The following CRYL1 variants were observed in gnomAD, a reference collection of about 807,000 sequenced individuals.
CRYL1 encodes lambda-crystallin homolog.
A neutral mutation model predicts 36.6 loss-of-function variants in CRYL1; 29 were observed. That is an observed-to-expected ratio of 0.79 (90% CI 0.59 to 1.08). The LOEUF is 1.08. Among genes scored for constraint, CRYL1 ranks in the 50% least tolerant of loss-of-function variants. CRYL1 has a pLI of 0.00. For missense variants in CRYL1, 411 were observed against 407.9 expected (o/e 1.01, Z -0.06); for synonymous variants, 152 against 151.5 (o/e 1.00, Z -0.02).
At chr13:20,467,673 T>A (rs954941507) in intron 3 of CRYL1, among the ~76,000 whole-genome samples, 1 of 152,086 alleles carries the variant, frequency 6.6e-6, no homozygotes. Context: ...ATACAAAAAT[T>A]AGCCGGGCGT....
intron 5 of CRYL1, among the ~76,000 whole-genome samples, chr13:20,417,222 A>T (rs1758040875): frequency 6.6e-6 from 1 of 152,236 alleles, no homozygotes; most frequent in African/African-American, 2.4e-5. Flanking sequence ...CAGGTTGCTT[A>T]ATTTTGCCAC....
At chr13:20,506,504 G>A (rs973850825) in intron 2 of CRYL1, among the ~76,000 whole-genome samples, 4 of 151,702 alleles carry the variant, frequency 2.6e-5, no homozygotes, top group African/African-American at 9.7e-5. Context: ...AAGCATAGTA[G>A]GATAACAGGA....
At chr13:20,412,430 G>A (rs1017875452) in intron 6 of CRYL1, among the ~76,000 whole-genome samples, 1 of 152,034 alleles carries the variant, frequency 6.6e-6, no homozygotes, top group Non-Finnish European at 1.5e-5. Flanking sequence ...TATAGTAATT[G>A]TAGAAATTTA....
chr13:20,482,320 G>C (rs758785176), intron 3 of CRYL1, among the ~76,000 whole-genome samples: 1 of 152,114 alleles, frequency 6.6e-6, no homozygotes, highest in Non-Finnish European at 1.5e-5. Flanking sequence ...TTTAAACTTC[G>C]TAACTCTATA....
At chr13:20,488,176 C>G (rs1198674904) in intron 3 of CRYL1, among the ~76,000 whole-genome samples, 1 of 152,064 alleles carries the variant, frequency 6.6e-6, no homozygotes, top group African/African-American at 2.4e-5. Flanking sequence ...AGCATCTGTG[C>G]TCTTCAGAAG....
intron 1 of CRYL1, among the ~76,000 whole-genome samples, chr13:20,522,460 G>A (rs1461125804): frequency 6.6e-6 from 1 of 152,168 alleles, no homozygotes; most frequent in African/African-American, 2.4e-5. Flanking sequence ...TTTATGGGAT[G>A]TTTTTCTTGA....
At position 20,495,955 on chromosome 13, in the gene CRYL1, A is replaced by C. The variant is rs2137482212; in HGVS notation, c.150-6459T>G. On this transcript the variant is annotated intron_variant, in intron 2 of 7. Transcript: ENST00000298248. ...TGGGACTACAGGAATGCACCACCAC[A>C]CCCAACTGATTTTTGTATTTTTTAG... Among the ~76,000 whole-genome samples, 3 of 151,950 alleles carry C rather than the reference A, an allele frequency of 2.0e-5. No homozygotes were observed. In the South Asian group the frequency reaches 6.3e-4, roughly 32 times the overall value.
intron 3 of CRYL1, among the ~76,000 whole-genome samples, chr13:20,486,014 A>C (rs2033391389): frequency 6.6e-6 from 1 of 151,890 alleles, no homozygotes; most frequent in Admixed American, 6.6e-5. Context: ...CACCTCCCAG[A>C]CTCAGGAAAT....
intron 3 of CRYL1, among the ~76,000 whole-genome samples, chr13:20,459,185 G>A (rs555584771): frequency 3.8e-4 from 55 of 143,764 alleles, no homozygotes; most frequent in African/African-American, 1.4e-3. Flanking sequence ...GCAGTAAGCC[G>A]AGTTCACGCC....
intron 1 of CRYL1, among the ~76,000 whole-genome samples, chr13:20,516,135 G>C (rs980184881): frequency 1.6e-5 from 2 of 128,528 alleles, no homozygotes; most frequent in Non-Finnish European, 3.1e-5. Context: ...AGGTTGCGGT[G>C]AGCCAAGATG....
In CRYL1 at chr13:20,432,169, T is replaced by G. The variant is rs892586615; in HGVS notation, c.566A>C (p.Glu189Ala). The G allele has an allele frequency of 4.3e-6, 7 of 1,613,968 alleles. No individual in the cohort carries two copies. The highest frequency in any genetic ancestry group is 5.9e-6 in the Non-Finnish European group (7 of 1,180,022). The change falls in exon 5 of 8, where the codon GAG (glutamate) becomes GCG (alanine). Residue 189 changes from glutamate to alanine, a missense_variant. Glu to Ala is a moderately radical substitution (Grantham distance 107). Transcript: ENST00000298248. ...GCGGTTCAGAACGAAGCCGGCCACC[T>G]CCTTCTGGACTCGCATGGGGCACTG... ...IGQCPMRVQK[E>A]VAGFVLNRLQ...
chr13:20,474,925 GCTC>G (rs1382134219), intron 3 of CRYL1, among the ~76,000 whole-genome samples: 1 of 152,122 alleles, frequency 6.6e-6, no homozygotes, highest in Non-Finnish European at 1.5e-5. Flanking sequence ...CAGGGACAAG[GCTC>G]CCCTGCCTCA....
chr13:20,432,289 G>A lies in CRYL1; in HGVS notation c.446C>T (p.Pro149Leu), dbSNP rs373543552. ...KQCIVAHPVN[P>L]PYYIPLVELV... is the part of the protein sequence containing the mutation. Reference sequence around the variant, plus strand: ...CTCAACCAGCGGGATGTAGTATGGCGGATTCACCTTAGGAGAGAGAGAGAA... The same window carrying A: ...CTCAACCAGCGGGATGTAGTATGGCAGATTCACCTTAGGAGAGAGAGAGAA... Residue 149 changes from proline (P) to leucine (L), a missense_variant, in exon 5 of 8, where the codon CCG becomes CTG. Coordinates refer to ENST00000298248, the MANE Select transcript of CRYL1 (RefSeq NM_015974.3). The A allele has an allele frequency of 3.9e-5, 63 of 1,610,686 alleles. No homozygotes were observed. The highest frequency in any genetic ancestry group is 2.8e-4 in the African/African-American group (21 of 74,834).
intron 2 of CRYL1, among the ~76,000 whole-genome samples, chr13:20,501,426 A>G (rs2033702316): frequency 6.6e-6 from 1 of 152,210 alleles, no homozygotes. Context: ...TTCTATCTAC[A>G]GTATGACTCC....
chr13:20,438,656 C>T (rs912415666), intron 4 of CRYL1, among the ~76,000 whole-genome samples: 1 of 152,200 alleles, frequency 6.6e-6, no homozygotes, highest in Admixed American at 6.5e-5. Flanking sequence ...CCCTCTCTTC[C>T]CTTCATCAGC....
intron 2 of CRYL1, among the ~76,000 whole-genome samples, chr13:20,499,371 G>A (rs1055089604): frequency 1.0e-4 from 15 of 147,964 alleles, no homozygotes; most frequent in Admixed American, 2.0e-4. Context: ...AAATGTGGCC[G>A]GGCGCAGTGG....
chr13:20,519,723 C>T (rs1214006109), intron 1 of CRYL1, among the ~76,000 whole-genome samples: 1 of 151,950 alleles, frequency 6.6e-6, no homozygotes, highest in East Asian at 1.9e-4. Context: ...TTTACAAAAC[C>T]AGAGAGGGAT....
chr13:20,512,185 C>G (rs1042584954), intron 2 of CRYL1, among the ~76,000 whole-genome samples: 2 of 152,240 alleles, frequency 1.3e-5, no homozygotes, highest in African/African-American at 4.8e-5. Context: ...GCTGGAGAAG[C>G]CTGCAAAGTC....
At position 20,425,857 on chromosome 13, in the gene CRYL1, C is replaced by G. The variant is rs996532225; in HGVS notation, c.633+6245G>C. Among the ~76,000 whole-genome samples the G allele has an allele frequency of 6.6e-6, 1 of 151,992 alleles. No individual in the cohort carries two copies. The highest frequency in any genetic ancestry group is 2.4e-5 in the African/African-American group (1 of 41,386). ...CCTGGCTGACAGCATGAGATCAGGC[C>G]CCAGTACACAGAGGCCCCACTGTAC... is the stretch of plus-strand genomic sequence containing the variant. On this transcript the variant is annotated intron_variant, in intron 5 of 7. Coordinates refer to ENST00000298248, the MANE Select transcript of CRYL1 (RefSeq NM_015974.3). This position sits in a 1 kb window ranked among gnomAD's most constrained non-coding sequence, Gnocchi z 4.4.
Sources: allele counts gnomAD v4.1 joint callset (sites outside exome capture counted in the v4.1 genomes callset), GRCh38; gene constraint gnomAD v4.1.1; non-coding constraint Gnocchi (gnomAD v3.1); transcripts MANE v1.5; gene names NCBI Gene and HGNC (gene_info 2026-07-23, HGNC 2026-07-21).